Variants in RBM6 observed in about 807,000 individuals in gnomAD.
RBM6 encodes the protein RNA-binding protein 6.
Under a neutral mutation model 140.4 loss-of-function variants are expected in RBM6, and 23 were observed. The observed-to-expected ratio is 0.16, with a 90% CI of 0.12 to 0.23. The LOEUF is 0.23. RBM6 is among the 10% of genes least tolerant of loss of function. RBM6 has a pLI of 1.00. For missense variants in RBM6, 1,139 were observed against 1,386.7 expected, an observed-to-expected ratio of 0.82 and a Z score of 2.84; for synonymous variants, 439 against 475.6, an observed-to-expected ratio of 0.92 and a Z score of 1.00.
rs957678471 is a variant in RBM6 at position 49,996,226 on chromosome 3, C to G, written c.1484-3214C>G. Reference sequence around the variant, plus strand: ...ATGGCCCTTAAATGCAAGCCAACCTCTTCATCTGGTGTCAACCAAAGGAAA... The same window carrying G: ...ATGGCCCTTAAATGCAAGCCAACCTGTTCATCTGGTGTCAACCAAAGGAAA... On this transcript the variant is annotated intron_variant, in intron 5 of 20. Transcript: ENST00000266022. Among the ~76,000 whole-genome samples, 3 of 152,304 alleles carry G rather than the reference C, an allele frequency of 2.0e-5. No homozygotes were observed. The East Asian group carries it at 5.8e-4, about 29-fold the overall frequency.
chr3:49,963,601 C>A (rs1478078120), intron 2 of RBM6, among the ~76,000 whole-genome samples: 1 of 151,966 alleles, frequency 6.6e-6, no homozygotes, highest in Non-Finnish European at 1.5e-5. Flanking sequence ...TGCTAAGCCA[C>A]CTCTCAATTT....
chr3:49,942,842 C>T (rs2083347235), intron 1 of RBM6, among the ~76,000 whole-genome samples: 1 of 152,040 alleles, frequency 6.6e-6, no homozygotes, highest in Admixed American at 6.6e-5. Flanking sequence ...GCCTGGGCTG[C>T]ACAGCCAGAC....
intron 6 of RBM6, among the ~76,000 whole-genome samples, chr3:50,043,978 G>A (rs991287621): frequency 6.6e-6 from 1 of 151,856 alleles, no homozygotes; most frequent in African/African-American, 2.4e-5. Context: ...CCACCTCCCG[G>A]GTTCTAGCAA....
chr3:50,075,270 T>C lies in RBM6; in HGVS notation c.3186T>C (p.Thr1062=). 6.2e-7 allele frequency: 1 copy of C among 1,614,190 alleles called. No individual in the cohort carries two copies. Among genetic ancestry groups the C allele is most frequent in the Non-Finnish European group, 8.5e-7 (1 of 1,180,024 alleles). The change falls in exon 20 of 21, where the codon ACT becomes ACC. Residue 1062 remains threonine (T), a synonymous_variant. Transcript: ENST00000266022. The part of the protein sequence containing the change: ...SSKGGCVQQA[T]GWRKGTGLGY... Reference sequence around the variant, plus strand: ...AAGGAGGCTGTGTCCAACAGGCTACTGGCTGGAGGAAAGGGACAGGCCTGG... The same window carrying C: ...AAGGAGGCTGTGTCCAACAGGCTACCGGCTGGAGGAAAGGGACAGGCCTGG...
At chr3:49,991,538 T>A (rs1180910787) in intron 5 of RBM6, among the ~76,000 whole-genome samples, 2 of 152,268 alleles carry the variant, frequency 1.3e-5, no homozygotes, top group African/African-American at 4.8e-5. Flanking sequence ...ATCACCCTTA[T>A]CACTCAGGAA....
intron 1 of RBM6, among the ~76,000 whole-genome samples, chr3:49,955,156 C>CTT (rs1575535401): frequency 4.3e-5 from 3 of 70,170 alleles, no homozygotes; most frequent in South Asian, 4.7e-4. Flanking sequence ...ATTTTTTTTT[C>CTT]TTTCTTTTTT....
intron 1 of RBM6, among the ~76,000 whole-genome samples, chr3:49,942,362 G>A (rs947090698): frequency 6.6e-6 from 1 of 151,416 alleles, no homozygotes; most frequent in Non-Finnish European, 1.5e-5. Flanking sequence ...GGTGGTGGGC[G>A]CCTGTAGTCC....
chr3:50,035,886 A>C (rs1182977070), intron 6 of RBM6, among the ~76,000 whole-genome samples: 1 of 151,654 alleles, frequency 6.6e-6, no homozygotes, highest in East Asian at 2.0e-4. Flanking sequence ...CAGCCTCCTG[A>C]GTAGCTGGGA....
In RBM6 at chr3:49,967,425, C is replaced by T; in HGVS notation, c.45-45C>T. ...GAAGAATATGCTGGTGTGTAGATTT[C>T]AAACTCTCTGGACAATATGAATAAC... On this transcript the variant is annotated intron_variant, in intron 2 of 20. Transcript: ENST00000266022. This position sits in a 1 kb window ranked among gnomAD's most constrained non-coding sequence, Gnocchi z 4.0. 6.4e-7 allele frequency: 1 copy of T among 1,568,968 alleles called. No individual in the cohort carries two copies. The highest frequency in any genetic ancestry group is 8.6e-7 in the Non-Finnish European group (1 of 1,157,526).
At chr3:49,984,585 GACATC>G (rs1223070354) in intron 5 of RBM6, among the ~76,000 whole-genome samples, 11,609 of 134,270 alleles carry the variant, frequency 0.086, 560 homozygotes, top group East Asian at 0.14. Flanking sequence ...TGTCTAACGT[GACATC>G]ACATCACATC....
chr3:49,942,098 C>CAAA (rs71631037), intron 1 of RBM6, among the ~76,000 whole-genome samples: 10 of 139,006 alleles, frequency 7.2e-5, no homozygotes, highest in African/African-American at 2.6e-4. Flanking sequence ...AAGACTGTCT[C>CAAA]AAAAAAAAAA....
intron 3 of RBM6, 140 bp downstream of exon 3, chr3:49,968,888 T>C (rs930886404): frequency 1.0e-5 from 12 of 1,144,414 alleles, no homozygotes; most frequent in Non-Finnish European, 1.3e-5. Flanking sequence ...CATGCCATTC[T>C]CCTGCCTCAG....
intron 1 of RBM6, among the ~76,000 whole-genome samples, chr3:49,957,176 G>T (rs1279867803): frequency 6.6e-6 from 1 of 152,030 alleles, no homozygotes; most frequent in Non-Finnish European, 1.5e-5. Context: ...TAGAGATGGG[G>T]TCTTGCTATA....
chr3:49,958,435 G>A (rs2084112281), intron 1 of RBM6, among the ~76,000 whole-genome samples: 1 of 152,108 alleles, frequency 6.6e-6, no homozygotes, highest in African/African-American at 2.4e-5. Context: ...CTATTAGCTG[G>A]CATTGCGGTG....
chr3:49,988,576 G>T (rs1324277898), intron 5 of RBM6, among the ~76,000 whole-genome samples: 2 of 152,124 alleles, frequency 1.3e-5, no homozygotes, highest in Non-Finnish European at 2.9e-5. Context: ...GCAGGAAAAA[G>T]TACAACAAAA....
chr3:49,953,078 C>A (rs1156546445), intron 1 of RBM6, among the ~76,000 whole-genome samples: 3 of 151,040 alleles, frequency 2.0e-5, no homozygotes, highest in Admixed American at 2.0e-4. Context: ...TTTTTTGAGG[C>A]AGGGTCTTGC....
chr3:49,984,651 G>T (rs76367790), intron 5 of RBM6, among the ~76,000 whole-genome samples: 1 of 148,148 alleles, frequency 6.8e-6, no homozygotes, highest in African/African-American at 2.5e-5. Context: ...GCATCGCATC[G>T]CATCGCATCG....
intron 1 of RBM6, among the ~76,000 whole-genome samples, chr3:49,951,813 C>G (rs964092313): frequency 6.6e-6 from 1 of 151,976 alleles, no homozygotes; most frequent in Non-Finnish European, 1.5e-5. Flanking sequence ...ACCTCCATCT[C>G]CCAGGTTCAA....
At chr3:50,023,773 C>G (rs2087644844) in intron 6 of RBM6, among the ~76,000 whole-genome samples, 1 of 149,592 alleles carries the variant, frequency 6.7e-6, no homozygotes, top group African/African-American at 2.5e-5. Context: ...CTCAGCCTCT[C>G]GAGTAGCTGG....
Sources: gnomAD v4.1 joint callset for allele counts (sites outside exome capture counted in the v4.1 genomes callset) on GRCh38, gnomAD v4.1.1 for gene constraint, Gnocchi (gnomAD v3.1) non-coding constraint, MANE v1.5 for transcripts, NCBI Gene and HGNC (gene_info 2026-07-23, HGNC 2026-07-21) for gene names.